TM9SF3: variants seen among roughly 807,000 people sequenced by gnomAD.
TM9SF3 encodes the protein transmembrane 9 superfamily member 3, also known as SM-11044-binding protein.
A neutral mutation model predicts 78.6 loss-of-function variants in TM9SF3; 14 were observed. The observed-to-expected ratio is 0.18, with a 90% confidence interval of 0.12 to 0.28. The LOEUF is 0.28. Among genes scored for constraint, TM9SF3 ranks in the 10% least tolerant of loss-of-function variants. The pLI, the probability that TM9SF3 is intolerant of heterozygous loss-of-function variation, is 1.00. For synonymous variants in TM9SF3, 231 were observed against 241.7 expected (o/e 0.96, Z 0.41); for missense variants, 496 against 721.9 (o/e 0.69, Z 3.59).
intron 4 of TM9SF3, 33 bp from the exon 5 acceptor site, chr10:96,559,769 C>A: frequency 7.6e-7 from 1 of 1,312,162 alleles, no homozygotes; most frequent in Non-Finnish European, 1.1e-6. Context: ...AAAATAAAGG[C>A]CAGTAAACAA....
At chr10:96,529,934 T>C (rs186319391) in intron 11 of TM9SF3, among the ~76,000 whole-genome samples, 1 of 152,304 alleles carries the variant, frequency 6.6e-6, no homozygotes, top group Non-Finnish European at 1.5e-5. Context: ...CTTTCTTGCC[T>C]AAAATAACCA....
chr10:96,548,040 ACAT>A (rs754026027), intron 7 of TM9SF3, 51 bp from the exon 8 acceptor site: 8 of 1,243,100 alleles, frequency 6.4e-6, no homozygotes, highest in Non-Finnish European at 9.2e-6. Context: ...TTTAAAGAAA[ACAT>A]CATAGTCTAT....
chr10:96,585,674 G>A (rs1848620558), intron 1 of TM9SF3, among the ~76,000 whole-genome samples: 1 of 152,192 alleles, frequency 6.6e-6, no homozygotes, highest in South Asian at 2.1e-4. Flanking sequence ...CCATTAAATA[G>A]GTAAGGACGA....
chr10:96,546,408 A>G (rs1848101137), intron 8 of TM9SF3, among the ~76,000 whole-genome samples: 1 of 152,244 alleles, frequency 6.6e-6, no homozygotes, highest in African/African-American at 2.4e-5. Flanking sequence ...TTGCAGTCAG[A>G]CTAAAAACAA....
At chr10:96,565,962 G>A (rs1848364713) in intron 2 of TM9SF3, among the ~76,000 whole-genome samples, 1 of 152,090 alleles carries the variant, frequency 6.6e-6, no homozygotes, top group Non-Finnish European at 1.5e-5. Flanking sequence ...CCTCTATTCA[G>A]CAAACATCAC....
rs751439116 is a variant in TM9SF3 at position 96,586,765 on chromosome 10, G to GGCAGCA, written c.65_70dup (p.Leu22_Leu23dup). 25 of 1,286,670 alleles carry GGCAGCA rather than the reference G, an allele frequency of 1.9e-5. No individual in the cohort carries two copies. Among genetic ancestry groups the GGCAGCA allele is most frequent in the Admixed American group, 6.8e-5 (2 of 29,288 alleles). 79.7% of individuals were successfully genotyped at this position (1,286,670 alleles called of 1,614,324 possible). A position where few individuals can be genotyped will look rare whatever the true frequency, so the allele number is the denominator to read the frequency against. On this transcript the variant is annotated inframe_insertion, in exon 1 of 15. Coordinates refer to ENST00000371142, the MANE Select transcript of TM9SF3 (RefSeq NM_020123.4). The stretch of plus-strand genomic sequence containing the variant: ...TTCGTGCTCGTCCGCCCGGGTCCGG[G>GGCAGCA]GCAGCAGCAGCAGCAGCAGCCACAG...
intron 10 of TM9SF3, 60 bp downstream of exon 10, chr10:96,532,991 C>T (rs768274946): frequency 5.1e-6 from 8 of 1,582,272 alleles, no homozygotes; most frequent in Non-Finnish European, 6.9e-6. Context: ...ATGTACACAA[C>T]AGCCTTAAGA....
Position 96,562,010 on chromosome 10 carries a change from C to G in TM9SF3, c.550G>C (p.Val184Leu). The G allele has an allele frequency of 6.2e-7, 1 of 1,611,796 alleles. No homozygotes were observed. Among genetic ancestry groups the G allele is most frequent in the East Asian group, 2.2e-5 (1 of 44,782 alleles). The change falls in exon 4 of 15, where the codon GTT (valine) becomes CTT (leucine). Residue 184 changes from valine (V) to leucine (L), a missense_variant. Physicochemically the swap from Val to Leu is conservative, Grantham distance 32. Transcript: ENST00000371142. ...GACATCTGGATTTTAGTATTTGGAA[C>G]CAGTTTCACCTTTCCTTCACTAGTT... ...NLTSEGKVKL[V>L]PNTKIQMSYS...
chr10:96,577,901 G>A (rs1848516007), intron 1 of TM9SF3, among the ~76,000 whole-genome samples: 1 of 152,094 alleles, frequency 6.6e-6, no homozygotes, highest in Admixed American at 6.6e-5. Context: ...CTTATCTCCA[G>A]TCCTCCATCT....
At chr10:96,574,354 C>T (rs987259028) in intron 2 of TM9SF3, among the ~76,000 whole-genome samples, 4 of 152,082 alleles carry the variant, frequency 2.6e-5, no homozygotes, top group Non-Finnish European at 5.9e-5. Context: ...TAGAGAAATG[C>T]GAATCAAAAC....
intron 14 of TM9SF3, among the ~76,000 whole-genome samples, chr10:96,526,458 T>C (rs1372910928): frequency 6.6e-6 from 1 of 152,168 alleles, no homozygotes; most frequent in Non-Finnish European, 1.5e-5. Flanking sequence ...CAGGCTCTCA[T>C]GCTTATGCCT....
intron 4 of TM9SF3, chr10:96,560,428 C>G: frequency 1.3e-6 from 1 of 745,540 alleles, no homozygotes; most frequent in Admixed American, 1.7e-5. Context: ...TTGAAAATGT[C>G]TGCACAGCCA....
chr10:96,554,737 T>C (rs942212822), intron 5 of TM9SF3, among the ~76,000 whole-genome samples: 12 of 152,136 alleles, frequency 7.9e-5, no homozygotes, highest in Non-Finnish European at 2.9e-5. Context: ...CTAACTACAA[T>C]AATTTCCACT....
chr10:96,558,145 C>T (rs1848257269), intron 5 of TM9SF3, among the ~76,000 whole-genome samples: 1 of 152,158 alleles, frequency 6.6e-6, no homozygotes, highest in Admixed American at 6.5e-5. Context: ...CAAGGCAGAC[C>T]TAAGAGTTCC....
rs1848008257 is a variant in TM9SF3, at chr10:96,540,385, A to G, written c.1185+3691T>C. On this transcript the variant is annotated intron_variant, in intron 9 of 14. Coordinates refer to ENST00000371142, the MANE Select transcript of TM9SF3 (RefSeq NM_020123.4). ...AGTTTTACAGCACCTCTGCTCTCACACAGTTATTCAAACATTACTTAATGT... is the reference window on the plus strand; with the variant it reads ...AGTTTTACAGCACCTCTGCTCTCACGCAGTTATTCAAACATTACTTAATGT... Among the ~76,000 whole-genome samples, 2 of 152,166 alleles carry G rather than the reference A, an allele frequency of 1.3e-5. 1 individual carries two copies. The highest frequency in any genetic ancestry group is 4.2e-4 in the South Asian group (2 of 4,818).
chr10:96,533,221 C>G lies in TM9SF3; in HGVS notation c.1186-31G>C, dbSNP rs762249987. The G allele has an allele frequency of 3.1e-6, 5 of 1,601,990 alleles. No individual in the cohort carries two copies. In the East Asian group the frequency reaches 9.1e-5, roughly 29 times the overall value. On this transcript the variant is annotated intron_variant, in intron 9 of 14. Coordinates refer to ENST00000371142, the MANE Select transcript of TM9SF3 (RefSeq NM_020123.4). Reference sequence around the variant, plus strand: ...AATTAAATAAAAATGTGTGATTACTCAGAGAACAATAACATTAATATAAAC... The same window carrying G: ...AATTAAATAAAAATGTGTGATTACTGAGAGAACAATAACATTAATATAAAC...
At chr10:96,558,705 AG>A in intron 5 of TM9SF3, among the ~76,000 whole-genome samples, 1 of 152,178 alleles carries the variant, frequency 6.6e-6, no homozygotes, top group South Asian at 2.1e-4. Context: ...CTGACCCCTG[AG>A]TAAGATCAGA....
At chr10:96,552,829 C>CA (rs1235320797) in intron 6 of TM9SF3, 99 bp downstream of exon 6, 1 of 1,210,362 alleles carries the variant, frequency 8.3e-7, no homozygotes, top group African/African-American at 1.6e-5. Context: ...TGTGGAAACT[C>CA]AAAGACTTCC....
At chr10:96,542,840 A>G (rs181721612) in intron 9 of TM9SF3, among the ~76,000 whole-genome samples, 31 of 152,178 alleles carry the variant, frequency 2.0e-4, no homozygotes, top group Non-Finnish European at 4.1e-4. Flanking sequence ...ACTAAAAGGT[A>G]TTAAATATTT....
Sources: gnomAD v4.1 joint callset for allele counts (sites outside exome capture counted in the v4.1 genomes callset) on GRCh38, gnomAD v4.1.1 for gene constraint, MANE v1.5 for transcripts, NCBI Gene and HGNC (gene_info 2026-07-23, HGNC 2026-07-21) for gene names.